LAMA1: variants seen among roughly 807,000 people sequenced by gnomAD.
LAMA1 encodes laminin subunit alpha 1, also known as laminin subunit alpha-1.
Under a neutral mutation model 348.7 loss-of-function variants are expected in LAMA1, and 219 were observed. The observed-to-expected ratio is 0.63, with a 90% confidence interval of 0.56 to 0.70. The LOEUF (loss-of-function observed/expected upper bound fraction) is 0.70. Ranked by LOEUF, LAMA1 falls within the 30% of genes least tolerant of loss-of-function variation. The pLI is 0.00. For missense variants in LAMA1, 3,744 were observed against 3,888.0 expected (o/e 0.96, Z 0.99); for synonymous variants, 1,487 against 1,491.0 (o/e 1.00, Z 0.06).
intron 53 of LAMA1, 54 bp from the exon 54 acceptor site, chr18:6,959,546 A>G (rs1021905121): frequency 1.2e-4 from 189 of 1,594,588 alleles, no homozygotes; most frequent in Non-Finnish European, 1.6e-4. Flanking sequence ...TATATGATTT[A>G]GAAAACTTTC....
Position 7,046,707 on chromosome 18 carries a change from G to GT in LAMA1, c.769-341dup, listed in dbSNP as rs1211514645. On this transcript the variant is annotated intron_variant, in intron 5 of 62. Coordinates refer to ENST00000389658, the MANE Select transcript of LAMA1 (RefSeq NM_005559.4). ...ACTCTATAGAAAAGATCATGAACAA[G>GT]TAAGAGTTACCCTAGAATGCAAAGT... 1.8e-4 allele frequency among the ~76,000 whole-genome samples: 28 copies of GT among 152,252 alleles called. No individual in the cohort carries two copies. The East Asian group carries it at 5.2e-3, about 28-fold the overall frequency.
intron 4 of LAMA1, among the ~76,000 whole-genome samples, chr18:7,049,932 A>G (rs977470082): frequency 1.3e-5 from 2 of 152,246 alleles, no homozygotes; most frequent in Non-Finnish European, 2.9e-5. Flanking sequence ...AAGAACAAAG[A>G]CTACGGCATT....
Position 6,999,457 on chromosome 18 carries a change from T to C in LAMA1, c.4651A>G (p.Thr1551Ala), listed in dbSNP as rs755127442. The C allele has an allele frequency of 6.2e-7, 1 of 1,614,052 alleles. No homozygotes were observed. The highest frequency in any genetic ancestry group is 1.3e-5 in the African/African-American group (1 of 74,918). The change falls in exon 32 of 63, where the codon ACA becomes GCA. Residue 1551 changes from threonine to alanine, a missense_variant. Thr to Ala is a moderately conservative substitution (Grantham distance 58). Transcript: ENST00000389658. The stretch of plus-strand genomic sequence containing the variant: ...GAGAAATACTCACAAACACAATCTG[T>C]TTCCATCAGAATGTGCCTCGGTTCA... ...ECEPRHILME[T>A]DCVSCDDECV...
intron 3 of LAMA1, among the ~76,000 whole-genome samples, chr18:7,059,998 A>C (rs1438513005): frequency 6.6e-6 from 1 of 152,224 alleles, no homozygotes; most frequent in African/African-American, 2.4e-5. Flanking sequence ...ATGAATAAAG[A>C]AGCAGTGATT....
intron 1 of LAMA1, among the ~76,000 whole-genome samples, chr18:7,111,976 C>T (rs962138827): frequency 1.3e-5 from 2 of 152,168 alleles, no homozygotes; most frequent in African/African-American, 4.8e-5. Context: ...ATAAGTCATA[C>T]TTATTGGTCA....
chr18:6,953,337 T>C (rs906778518), intron 57 of LAMA1, among the ~76,000 whole-genome samples: 3 of 152,262 alleles, frequency 2.0e-5, no homozygotes, highest in Non-Finnish European at 4.4e-5. Context: ...AATAATGCCC[T>C]CGAGGCACAA....
intron 57 of LAMA1, chr18:6,954,783 T>TTAAAAAAA: frequency 5.2e-6 from 1 of 192,984 alleles, no homozygotes; most frequent in Non-Finnish European, 1.1e-5. Flanking sequence ...GGGCAGGGCA[T>TTAAAAAAA]GGCAGAGACT....
chr18:6,978,477 T>G (rs80068329), intron 42 of LAMA1, 99 bp from the exon 43 acceptor site: 13,469 of 1,162,192 alleles, frequency 0.012, 125 homozygotes, highest in Middle Eastern at 0.042. Flanking sequence ...AATATATTAT[T>G]GTCATATTAC....
intron 15 of LAMA1, among the ~76,000 whole-genome samples, chr18:7,032,418 A>G: frequency 6.6e-6 from 1 of 151,778 alleles, no homozygotes; most frequent in East Asian, 1.9e-4. Context: ...CACACACACA[A>G]AAACGTAATG....
At chr18:6,953,793 CT>C (rs2057561366) in intron 57 of LAMA1, 1 of 152,312 alleles carries the variant, frequency 6.6e-6, no homozygotes, top group Non-Finnish European at 1.5e-5. Context: ...GCTGTCACTG[CT>C]GACGATGGGG....
At position 6,983,157 on chromosome 18, in the gene LAMA1, A is replaced by G. The variant is rs1472241156; in HGVS notation, c.5738T>C (p.Ile1913Thr). 4.3e-6 allele frequency: 7 copies of G among 1,614,032 alleles called. No individual in the cohort carries two copies. The highest frequency in any genetic ancestry group is 1.1e-5 in the South Asian group (1 of 91,094). The change falls in exon 40 of 63, where the codon ATT (isoleucine) becomes ACT (threonine). Residue 1913 changes from isoleucine to threonine, a missense_variant. By Grantham distance (89) the Ile-to-Thr change is moderately conservative. Transcript: ENST00000389658. ...TCTGGCCAGTTCCTCCGATTCTTCAATCAGGCTCTGGATGTTGTAATGGAC... is the reference window on the plus strand; with the variant it reads ...TCTGGCCAGTTCCTCCGATTCTTCAGTCAGGCTCTGGATGTTGTAATGGAC... Reference protein sequence around the residue: ...AYVHYNIQSLIEESEELARDA... With the variant: ...AYVHYNIQSLTEESEELARDA...
chr18:7,008,954 G>C (rs1600390228), intron 27 of LAMA1, among the ~76,000 whole-genome samples: 1 of 152,244 alleles, frequency 6.6e-6, no homozygotes, highest in Non-Finnish European at 1.5e-5. Flanking sequence ...GGGCATTTCA[G>C]TTTTCATGTG....
At position 7,000,004 on chromosome 18, in the gene LAMA1, G is replaced by A; in HGVS notation, c.4383-7C>T. On this transcript the variant is annotated splice_polypyrimidine_tract_variant and splice_region_variant and intron_variant, in intron 30 of 62. Transcript: ENST00000389658. ...GACACAAGTGGGACTAAAACTGGAG[G>A]AAAAGAATTTCTTTTTGAATTTTCA... 6.2e-7 allele frequency: 1 copy of A among 1,605,134 alleles called. No individual in the cohort carries two copies. The highest frequency in any genetic ancestry group is 1.1e-5 in the South Asian group (1 of 90,750).
chr18:6,958,117 T>C (rs1360133501), intron 55 of LAMA1, among the ~76,000 whole-genome samples: 1 of 152,140 alleles, frequency 6.6e-6, no homozygotes, highest in Non-Finnish European at 1.5e-5. Context: ...AGTAGCCCCA[T>C]AGTAAACAGC....
intron 19 of LAMA1, among the ~76,000 whole-genome samples, chr18:7,017,689 T>G (rs528602509): frequency 2.6e-5 from 4 of 152,184 alleles, no homozygotes; most frequent in Non-Finnish European, 5.9e-5. Flanking sequence ...CAAATTCCCA[T>G]GAAAAACATG....
chr18:7,088,143 A>G (rs2058224998), intron 1 of LAMA1, among the ~76,000 whole-genome samples: 1 of 152,184 alleles, frequency 6.6e-6, no homozygotes. Flanking sequence ...TGAGAGGCCT[A>G]AAGGAAAGGC....
intron 16 of LAMA1, among the ~76,000 whole-genome samples, chr18:7,027,178 A>G (rs2057947707): frequency 6.6e-6 from 1 of 152,144 alleles, no homozygotes; most frequent in South Asian, 2.1e-4. Flanking sequence ...AAAACTGAGC[A>G]ACAGGTGGTA....
chr18:6,971,933 C>T lies in LAMA1; in HGVS notation c.6823G>A (p.Ala2275Thr), dbSNP rs1207813950. The change falls in exon 48 of 63, where the codon GCC becomes ACC. Residue 2275 changes from alanine (A) to threonine (T), a missense_variant. Physicochemically the swap from Ala to Thr is moderately conservative, Grantham distance 58. Around this residue, in one of 3 missense-constraint regions of LAMA1, gnomAD observed 1,983 missense variants for 1,934.3 expected, o/e 1.03. Coordinates refer to ENST00000389658, the MANE Select transcript of LAMA1 (RefSeq NM_005559.4). ...VTHFKGCLGEAFLNGKSIGLW... is the reference protein window; with the variant it reads ...VTHFKGCLGETFLNGKSIGLW... The stretch of plus-strand genomic sequence containing the variant: ...CCTATGGATTTTCCATTCAGGAAGG[C>T]CTCCCCCAAGCAGCCTTTAAAATGA... 6.2e-7 allele frequency: 1 copy of T among 1,614,048 alleles called. No homozygotes were observed. The highest frequency in any genetic ancestry group is 8.5e-7 in the Non-Finnish European group (1 of 1,179,998).
intron 39 of LAMA1, among the ~76,000 whole-genome samples, chr18:6,985,017 T>C (rs1372472619): frequency 6.6e-6 from 1 of 152,252 alleles, no homozygotes; most frequent in African/African-American, 2.4e-5. Context: ...TTATGTGTTT[T>C]AAGTCTTCTC....
Sources: gnomAD v4.1 joint callset for allele counts (sites outside exome capture counted in the v4.1 genomes callset) on GRCh38, gnomAD v4.1.1 for gene constraint, gnomAD v4.1.1 regional missense constraint, MANE v1.5 for transcripts, NCBI Gene and HGNC (gene_info 2026-07-23, HGNC 2026-07-21) for gene names.